The following TDRD7 variants were observed in gnomAD, a reference collection of about 807,000 sequenced individuals.
TDRD7 encodes the protein tudor domain-containing protein 7.
Under a neutral mutation model 109.8 loss-of-function variants are expected in TDRD7, and 47 were observed. The observed-to-expected ratio is 0.43, with a 90% CI of 0.34 to 0.55. The LOEUF is 0.55. TDRD7 is among the 20% of genes least tolerant of loss of function. The pLI, the probability that TDRD7 is intolerant of heterozygous loss-of-function variation, is 0.03. For synonymous variants in TDRD7, 424 were observed against 457.3 expected (o/e 0.93, Z 0.93); for missense variants, 1,164 against 1,319.2 (o/e 0.88, Z 1.82).
Position 97,460,481 on chromosome 9 carries a change from G to T in TDRD7, c.1159G>T (p.Val387Leu), listed in dbSNP as rs779876593. The T allele has an allele frequency of 3.1e-6, 5 of 1,614,158 alleles. No homozygotes were observed. The Admixed American group carries it at 8.3e-5, about 27-fold the overall frequency. The stretch of plus-strand genomic sequence containing the variant: ...AAAAAATCTTGCCTCACTTTCTGAT[G>T]TATGCAGCATAGACTACATTTCTGG... Reference protein sequence around the residue: ...ALKNLASLSDVCSIDYISGNP... With the variant: ...ALKNLASLSDLCSIDYISGNP... The change falls in exon 7 of 17, where the codon GTA becomes TTA. Residue 387 changes from valine (V) to leucine (L), a missense_variant. Physicochemically the swap from Val to Leu is conservative, Grantham distance 32. Around this residue, in one of 5 missense-constraint regions of TDRD7, gnomAD observed 407 missense variants for 394.0 expected, o/e 1.03. Transcript: ENST00000355295.
chr9:97,487,055 A>G, intron 15 of TDRD7, 117 bp from the exon 16 acceptor site: 2 of 1,183,732 alleles, frequency 1.7e-6, no homozygotes, highest in Non-Finnish European at 2.4e-6. Context: ...ATAGTTTTAA[A>G]TTTTGATAAA....
At position 97,480,906 on chromosome 9, in the gene TDRD7, T is replaced by C; in HGVS notation, c.2380T>C (p.Ser794Pro). ...AGATGCAGTGCTGTGGTTAAGAGATTCTGTTTTGAATTGCTCGGACTGTAG... is the reference window on the plus strand; with the variant it reads ...AGATGCAGTGCTGTGGTTAAGAGATCCTGTTTTGAATTGCTCGGACTGTAG... ...TPDAVLWLRD[S>P]VLNCSDCSIK... Residue 794 changes from serine to proline, a missense_variant, in exon 14 of 17, where the codon TCT becomes CCT. Transcript: ENST00000355295. 6.2e-7 allele frequency: 1 copy of C among 1,614,116 alleles called. No individual in the cohort carries two copies. Among genetic ancestry groups the C allele is most frequent in the Non-Finnish European group, 8.5e-7 (1 of 1,179,980 alleles).
chr9:97,432,387 A>G lies in TDRD7; in HGVS notation c.563+149A>G. 8 of 725,400 alleles carry G rather than the reference A, an allele frequency of 1.1e-5. No homozygotes were observed. In the South Asian group the frequency reaches 1.2e-4, roughly 11 times the overall value. 44.9% of individuals were successfully genotyped at this position (725,400 alleles called of 1,614,324 possible). A position where few individuals can be genotyped will look rare whatever the true frequency, so the allele number is the denominator to read the frequency against. On this transcript the variant is annotated intron_variant, in intron 4 of 16. Transcript: ENST00000355295. ...ATCATTACCAGTTAAGTTCACTTCT[A>G]GCTGCCTGAACATCATTCTCTAAGT...
chr9:97,479,585 T>C (rs1214645335), intron 13 of TDRD7, among the ~76,000 whole-genome samples: 1 of 152,158 alleles, frequency 6.6e-6, no homozygotes, highest in Non-Finnish European at 1.5e-5. Context: ...GTAGGTTTAT[T>C]ATTTGACAAA....
chr9:97,484,804 G>A lies in TDRD7; in HGVS notation c.2915+1453G>A, dbSNP rs1031037336. 6.6e-5 allele frequency among the ~76,000 whole-genome samples: 10 copies of A among 152,294 alleles called. No individual in the cohort carries two copies. In the South Asian group the frequency reaches 8.3e-4, roughly 13 times the overall value. ...CTCTTTGTAAGATAATTCAATCACA[G>A]TTAAAAACCAAACTAATGTTCTGGG... On this transcript the variant is annotated intron_variant, in intron 15 of 16. Transcript: ENST00000355295.
At chr9:97,485,551 C>T (rs1182289163) in intron 15 of TDRD7, among the ~76,000 whole-genome samples, 1 of 152,184 alleles carries the variant, frequency 6.6e-6, no homozygotes, top group Non-Finnish European at 1.5e-5. Flanking sequence ...GTGTTTTTAC[C>T]TCCTTTTGTG....
intron 3 of TDRD7, 24 bp downstream of exon 3, chr9:97,431,098 A>T: frequency 6.2e-7 from 1 of 1,613,612 alleles, no homozygotes; most frequent in South Asian, 1.1e-5. Flanking sequence ...ACATGCTAAA[A>T]TTTTTAGGGC....
intron 1 of TDRD7, among the ~76,000 whole-genome samples, chr9:97,426,709 C>A (rs531815071): frequency 6.6e-6 from 1 of 152,146 alleles, no homozygotes; most frequent in African/African-American, 2.4e-5. Flanking sequence ...ATATGCAGTC[C>A]GTTGTTGACT....
intron 1 of TDRD7, among the ~76,000 whole-genome samples, chr9:97,421,698 TTGTGTGTGTGTGTGTGTGTGTGTGTG>T (rs59218055): frequency 7.0e-6 from 1 of 142,958 alleles, no homozygotes; most frequent in African/African-American, 2.6e-5. Context: ...TGCCCAGCTT[TTGTGTGTGTGTGTGTGTGTGTGTGTG>T]TGTGTGTGTG....
chr9:97,479,199 A>C (rs1395190505), intron 13 of TDRD7, among the ~76,000 whole-genome samples: 1 of 152,212 alleles, frequency 6.6e-6, no homozygotes, highest in Admixed American at 6.5e-5. Context: ...ATTTTCAAGA[A>C]GACATCTTCT....
At chr9:97,473,738 A>G in intron 11 of TDRD7, 112 bp downstream of exon 11, 1 of 1,391,854 alleles carries the variant, frequency 7.2e-7, no homozygotes, top group Non-Finnish European at 1.0e-6. Flanking sequence ...ATTTTTTAGT[A>G]GTCTGAAATG....
At position 97,431,027 on chromosome 9, in the gene TDRD7, T is replaced by TTC; in HGVS notation, c.303_304insCT (p.Asn102LeufsTer5). The TTC allele has an allele frequency of 6.2e-7, 1 of 1,613,954 alleles. No individual in the cohort carries two copies. The highest frequency in any genetic ancestry group is 8.5e-7 in the Non-Finnish European group (1 of 1,179,874). On this transcript the variant is annotated frameshift_variant, in exon 3 of 17. Coordinates refer to ENST00000355295, the MANE Select transcript of TDRD7 (RefSeq NM_014290.3). LOFTEE classifies it high-confidence loss of function. The stretch of plus-strand genomic sequence containing the variant: ...TCTAAAAGGAAAACCGGGCGTCAAG[T>TTC]TAATTGTCAGATGAGAGTGAAGAAA...
At chr9:97,476,687 G>T (rs1366127354) in intron 12 of TDRD7, among the ~76,000 whole-genome samples, 1 of 151,496 alleles carries the variant, frequency 6.6e-6, no homozygotes, top group East Asian at 1.9e-4. Context: ...CTTTCAGGGG[G>T]GTCCCTCAAC....
Position 97,487,310 on chromosome 9 carries a change from A to G in TDRD7, c.3054A>G (p.Gln1018=), listed in dbSNP as rs553222025. ...ACATGTTCCGAAAGCTGCCCTTCCA[A>G]GCAGTCACAGCTCAACTTGCAGGTA... ...LVDMFRKLPF[Q]AVTAQLAGVK... is the part of the protein sequence containing the mutation. Residue 1018 remains glutamine, a synonymous_variant, in exon 16 of 17, where the codon CAA becomes CAG. Coordinates refer to ENST00000355295, the MANE Select transcript of TDRD7 (RefSeq NM_014290.3). The G allele has an allele frequency of 6.2e-7, 1 of 1,613,842 alleles. No individual in the cohort carries two copies. Among genetic ancestry groups the G allele is most frequent in the African/African-American group, 1.3e-5 (1 of 75,010 alleles).
At chr9:97,437,938 C>A (rs1221392676) in intron 4 of TDRD7, among the ~76,000 whole-genome samples, 1 of 152,090 alleles carries the variant, frequency 6.6e-6, no homozygotes, top group Non-Finnish European at 1.5e-5. Context: ...GAAGAGCTTT[C>A]TTTTGCTATA....
At chr9:97,460,118 G>A in intron 6 of TDRD7, 60 bp from the exon 7 acceptor site, 1 of 1,416,308 alleles carries the variant, frequency 7.1e-7, no homozygotes, top group African/African-American at 1.4e-5. Context: ...GCATTAATGT[G>A]TTTGTGGGTT....
In TDRD7 at chr9:97,460,442, C is replaced by G. The variant is rs1220831230; in HGVS notation, c.1120C>G (p.Pro374Ala). ...TGAGGAAATGTACAAAGTGAAATTC[C>G]CTGAGGATGCCTTAAAAAATCTTGC... The part of the protein sequence containing the change: ...AFEEMYKVKF[P>A]EDALKNLASL... Residue 374 changes from proline to alanine, a missense_variant, in exon 7 of 17, where the codon CCT (proline) becomes GCT (alanine). Pro to Ala is a conservative substitution (Grantham distance 27, BLOSUM62 -1). Around this residue, in one of 5 missense-constraint regions of TDRD7, gnomAD observed 407 missense variants for 394.0 expected, o/e 1.03. Coordinates refer to ENST00000355295, the MANE Select transcript of TDRD7 (RefSeq NM_014290.3). 6.2e-7 allele frequency: 1 copy of G among 1,614,028 alleles called. No individual in the cohort carries two copies. The highest frequency in any genetic ancestry group is 8.5e-7 in the Non-Finnish European group (1 of 1,180,040).
chr9:97,441,058 A>G (rs1367851318), intron 5 of TDRD7, among the ~76,000 whole-genome samples: 1 of 152,160 alleles, frequency 6.6e-6, no homozygotes, highest in Non-Finnish European at 1.5e-5. Context: ...CAAACCTTTT[A>G]TGTTTATAAA....
chr9:97,487,142 C>G (rs1216594914), intron 15 of TDRD7, 30 bp from the exon 16 acceptor site: 2 of 1,613,184 alleles, frequency 1.2e-6, no homozygotes, highest in Non-Finnish European at 1.7e-6. Flanking sequence ...TATGTGTTTT[C>G]TCTTCCTTTT....
Sources: gnomAD v4.1 joint callset for allele counts (sites outside exome capture counted in the v4.1 genomes callset) on GRCh38, gnomAD v4.1.1 for gene constraint, gnomAD v4.1.1 regional missense constraint, MANE v1.5 for transcripts, NCBI Gene and HGNC (gene_info 2026-07-23, HGNC 2026-07-21) for gene names.